Variants in PCDH15 observed in about 807,000 individuals in gnomAD.
PCDH15 encodes the protein protocadherin related 15, also known as protocadherin-15.
Under a neutral mutation model 178.5 loss-of-function variants are expected in PCDH15, and 129 were observed. The observed-to-expected ratio is 0.72, with a 90% CI of 0.63 to 0.84. PCDH15 has a LOEUF of 0.84. PCDH15 is among the 40% of genes least tolerant of loss of function. PCDH15 has a pLI of 0.00. For synonymous variants in PCDH15, 800 were observed against 732.0 expected (o/e 1.09, Z -1.50); for missense variants, 2,230 against 2,099.9 (o/e 1.06, Z -1.21).
chr10:54,315,523 CTTAAGT>C (rs1207037060), intron 8 of PCDH15, among the ~76,000 whole-genome samples: 1 of 152,110 alleles, frequency 6.6e-6, no homozygotes, highest in African/African-American at 2.4e-5. Context: ...TGCAGAAGCT[CTTAAGT>C]TTAATTAGAT....
At chr10:54,385,554 C>T (rs1003743359) in intron 3 of PCDH15, among the ~76,000 whole-genome samples, 6 of 152,008 alleles carry the variant, frequency 3.9e-5, no homozygotes, top group African/African-American at 1.4e-4. Flanking sequence ...AACAAATAAG[C>T]TTAAGTTTGA....
At chr10:54,167,352 C>A (rs2046337484) in intron 13 of PCDH15, among the ~76,000 whole-genome samples, 1 of 152,152 alleles carries the variant, frequency 6.6e-6, no homozygotes, top group Non-Finnish European at 1.5e-5. Context: ...ACTCTTCAAT[C>A]TCTCCCTTCT....
intron 7 of PCDH15, among the ~76,000 whole-genome samples, 199 bp from the exon 8 acceptor site, chr10:54,317,640 C>A (rs996373982): frequency 6.6e-6 from 1 of 151,864 alleles, no homozygotes; most frequent in African/African-American, 2.4e-5. Context: ...GGTGTGGTGG[C>A]AGGAGCCTGT....
At chr10:55,130,465 T>C (rs1213481591) in intron 2 of PCDH15, among the ~76,000 whole-genome samples, 1 of 152,172 alleles carries the variant, frequency 6.6e-6, no homozygotes, top group African/African-American at 2.4e-5. Context: ...TGAAATACTA[T>C]CACTTAGTAG....
rs763704132 is a variant in PCDH15, at chr10:54,774,007, C to CTTTTTT, written c.-29+26912_-29+26917dup. On this transcript the variant is annotated intron_variant, in intron 1 of 37. Transcript: ENST00000644397. ...TAGATGAACTGGCATACTTCATAGG[C>CTTTTTT]TTTTTTTTTTTTTTTTTTTTTTTTT... 2.6e-3 allele frequency among the ~76,000 whole-genome samples: 193 copies of CTTTTTT among 75,372 alleles called. 34 individuals are homozygous for CTTTTTT. The highest frequency in any genetic ancestry group is 3.3e-3 in the Non-Finnish European group (130 of 39,280). The allele number at this position is 75,372 out of a possible 152,430, so 49.4% of individuals were successfully genotyped here. A position where few individuals can be genotyped will look rare whatever the true frequency, so the allele number is the denominator to read the frequency against.
At chr10:54,960,127 G>A (rs990957146) in intron 2 of PCDH15, among the ~76,000 whole-genome samples, 2 of 152,078 alleles carry the variant, frequency 1.3e-5, no homozygotes, top group African/African-American at 4.8e-5. Context: ...TAGAATGCTT[G>A]AATATGAATG....
chr10:55,335,193 A>T (rs1342613130), intron 2 of PCDH15, among the ~76,000 whole-genome samples: 1 of 152,116 alleles, frequency 6.6e-6, no homozygotes, highest in East Asian at 1.9e-4. Flanking sequence ...CTTATAGATA[A>T]GTTAATCAAT....
chr10:55,253,488 C>A (rs1841901259), intron 1 of PCDH15, among the ~76,000 whole-genome samples: 1 of 151,984 alleles, frequency 6.6e-6, no homozygotes, highest in Non-Finnish European at 1.5e-5. Context: ...TAATTGTTAT[C>A]ATAGTTTAAC....
chr10:55,329,782 A>C (rs1844146883), intron 2 of PCDH15, among the ~76,000 whole-genome samples: 2 of 151,770 alleles, frequency 1.3e-5, no homozygotes, highest in African/African-American at 4.8e-5. Flanking sequence ...GAAACAGATT[A>C]CTTATACAGA....
In PCDH15 at chr10:53,823,140, T is replaced by C. The variant is rs151309770; in HGVS notation, c.4368-2910A>G. 12 of 1,614,030 alleles carry C rather than the reference T, an allele frequency of 7.4e-6. No homozygotes were observed. Among genetic ancestry groups the C allele is most frequent in the Non-Finnish European group, 1.0e-5 (12 of 1,179,952 alleles). On this transcript the variant is annotated intron_variant, in intron 32 of 37. Transcript: ENST00000644397. ...TGATACTTGACTTATGTTTTCCTTA[T>C]AAAGGGGATTATGGGCACTTAAGTC...
At chr10:54,693,626 T>G (rs558487805) in intron 1 of PCDH15, among the ~76,000 whole-genome samples, 2 of 152,180 alleles carry the variant, frequency 1.3e-5, no homozygotes, top group Non-Finnish European at 2.9e-5. Flanking sequence ...GTAACAACTT[T>G]CAGTAATATT....
chr10:55,581,820 A>T (rs1842621301), intron 2 of PCDH15, among the ~76,000 whole-genome samples: 1 of 152,076 alleles, frequency 6.6e-6, no homozygotes, highest in African/African-American at 2.4e-5. Context: ...GCGTGCACAC[A>T]CACACTGTTA....
chr10:55,374,484 A>G (rs1463738738), intron 2 of PCDH15, among the ~76,000 whole-genome samples: 1 of 151,936 alleles, frequency 6.6e-6, no homozygotes, highest in Non-Finnish European at 1.5e-5. Flanking sequence ...TTGGGCCTCT[A>G]CTCCTGGTGA....
At chr10:54,519,954 T>A (rs377652241) in intron 3 of PCDH15, among the ~76,000 whole-genome samples, 6 of 152,104 alleles carry the variant, frequency 3.9e-5, no homozygotes, top group African/African-American at 1.4e-4. Flanking sequence ...CAAAAACAAG[T>A]AATGGGGAAA....
At chr10:54,799,869 CA>C (rs1952466426) in intron 1 of PCDH15, among the ~76,000 whole-genome samples, 1 of 152,058 alleles carries the variant, frequency 6.6e-6, no homozygotes, top group Non-Finnish European at 1.5e-5. Flanking sequence ...AACAAAAAAA[CA>C]GTTCACATGA....
intron 2 of PCDH15, among the ~76,000 whole-genome samples, chr10:55,075,823 T>C (rs146071512): frequency 6.6e-6 from 1 of 152,252 alleles, no homozygotes; most frequent in East Asian, 1.9e-4. Flanking sequence ...TTGAGTTGCA[T>C]GATTAGATTT....
At chr10:54,176,347 G>A (rs886851721) in intron 13 of PCDH15, among the ~76,000 whole-genome samples, 3 of 152,130 alleles carry the variant, frequency 2.0e-5, no homozygotes, top group African/African-American at 2.4e-5. Flanking sequence ...TAGCTGGTAC[G>A]TGGAAGCAAT....
At chr10:54,981,602 A>C (rs895843209) in intron 2 of PCDH15, among the ~76,000 whole-genome samples, 1 of 152,166 alleles carries the variant, frequency 6.6e-6, no homozygotes, top group Non-Finnish European at 1.5e-5. Flanking sequence ...TAAACTAAAC[A>C]AAAGGGTTTT....
In PCDH15 at chr10:53,962,420, G is replaced by A. The variant is rs144297399; in HGVS notation, c.2869-528C>T. ...GTAAAGTGCAGGAATGGACATGAAA[G>A]CTAAAAAAACAAAAATTATTTACCA... On this transcript the variant is annotated intron_variant, in intron 21 of 37. Transcript: ENST00000644397. Among the ~76,000 whole-genome samples the A allele has an allele frequency of 6.2e-3, 935 of 151,262 alleles. 7 individuals carry two copies. The highest frequency in any genetic ancestry group is 0.019 in the South Asian group (89 of 4,782).
Sources: gnomAD v4.1 joint callset for allele counts (sites outside exome capture counted in the v4.1 genomes callset) on GRCh38, gnomAD v4.1.1 for gene constraint, MANE v1.5 for transcripts, NCBI Gene and HGNC (gene_info 2026-07-23, HGNC 2026-07-21) for gene names.